The following ZNF385D variants were observed in gnomAD, a reference collection of about 807,000 sequenced individuals.
ZNF385D encodes zinc finger protein 659.
In ZNF385D, 15 loss-of-function variants were observed where a neutral mutation model predicts 35.8. That is an observed-to-expected ratio of 0.42 (90% CI 0.28 to 0.64). ZNF385D has a LOEUF of 0.64. ZNF385D is among the 30% of genes least tolerant of loss of function. The probability of loss-of-function intolerance (pLI) is 0.23; values close to 1 mark genes in which losing one functional copy is unlikely to be tolerated. For missense variants in ZNF385D, 474 were observed against 494.6 expected, an observed-to-expected ratio of 0.96 and a Z score of 0.39; for synonymous variants, 212 against 186.8, an observed-to-expected ratio of 1.13 and a Z score of -1.10.
chr3:22,024,298 T>A (rs1241297769), intron 3 of ZNF385D, among the ~76,000 whole-genome samples: 1 of 152,046 alleles, frequency 6.6e-6, no homozygotes, highest in East Asian at 1.9e-4. Flanking sequence ...TAATACTTAA[T>A]AAACTCCCCT....
chr3:22,169,027 A>G, exon 3 of ZNF385D: 1 of 985,814 alleles, frequency 1.0e-6, no homozygotes, highest in South Asian at 4.7e-5. Context: ...TCGTGTACAC[A>G]GGTGAAATCT....
chr3:22,070,638 C>A (rs898083507), intron 3 of ZNF385D, among the ~76,000 whole-genome samples: 1 of 151,684 alleles, frequency 6.6e-6, no homozygotes, highest in African/African-American at 2.4e-5. Flanking sequence ...TATAGTAAGT[C>A]CAGGGTAGAG....
chr3:21,436,892 T>G, intron 5 of ZNF385D, 78 bp downstream of exon 5: 1 of 1,365,546 alleles, frequency 7.3e-7, no homozygotes, highest in Non-Finnish European at 1.0e-6. Flanking sequence ...CTTTGTCCCC[T>G]GCTGCAAAAG....
At chr3:22,288,915 G>T (rs900592785) in intron 2 of ZNF385D, among the ~76,000 whole-genome samples, 1 of 152,068 alleles carries the variant, frequency 6.6e-6, no homozygotes, top group South Asian at 2.1e-4. Context: ...TCAAATCTCT[G>T]TGTTTGTCCA....
At chr3:21,450,716 A>G (rs1702405813) in intron 4 of ZNF385D, among the ~76,000 whole-genome samples, 1 of 152,222 alleles carries the variant, frequency 6.6e-6, no homozygotes, top group African/African-American at 2.4e-5. Flanking sequence ...GAATTCTTGA[A>G]GAATGCTTAG....
chr3:21,898,281 A>T (rs1456494949), intron 3 of ZNF385D, among the ~76,000 whole-genome samples: 1 of 152,164 alleles, frequency 6.6e-6, no homozygotes, highest in Non-Finnish European at 1.5e-5. Flanking sequence ...TTCGCTAATA[A>T]AACCCCCCTG....
chr3:21,902,782 T>C (rs1408210249), intron 3 of ZNF385D, among the ~76,000 whole-genome samples: 1 of 152,194 alleles, frequency 6.6e-6, no homozygotes, highest in Non-Finnish European at 1.5e-5. Context: ...ATGTCACATG[T>C]ATACATATGC....
At chr3:21,548,854 A>G (rs1313005746) in intron 3 of ZNF385D, among the ~76,000 whole-genome samples, 1 of 152,180 alleles carries the variant, frequency 6.6e-6, no homozygotes, top group African/African-American at 2.4e-5. Flanking sequence ...TTGTCCACCT[A>G]GCTGTTTCAG....
chr3:21,597,323 C>T (rs3849542), intron 2 of ZNF385D, among the ~76,000 whole-genome samples: 72,568 of 151,252 alleles, frequency 0.48, 17,528 homozygotes, highest in African/African-American at 0.54. Context: ...GCAATGTTCC[C>T]GCAACTATTT....
intron 2 of ZNF385D, among the ~76,000 whole-genome samples, chr3:21,569,134 A>C (rs1008045552): frequency 6.6e-6 from 1 of 151,898 alleles, no homozygotes; most frequent in African/African-American, 2.4e-5. Context: ...TTTCTGTCTC[A>C]TTGATCTGTC....
chr3:22,079,694 T>A lies in ZNF385D; in HGVS notation c.325+89123A>T, dbSNP rs1045954022. 5.9e-5 allele frequency among the ~76,000 whole-genome samples: 9 copies of A among 152,146 alleles called. No individual in the cohort carries two copies. In the East Asian group the frequency reaches 1.5e-3, roughly 26 times the overall value. On this transcript the variant is annotated intron_variant, in intron 3 of 5. Coordinates refer to the ZNF385D transcript ENST00000494108. ...TAGCATAAGGTATCCAAAACCAGAT[T>A]AAATATGTCTTTATTTGTATCATTT...
intron 2 of ZNF385D, among the ~76,000 whole-genome samples, chr3:22,316,074 C>T (rs994028440): frequency 3.3e-5 from 5 of 152,194 alleles, no homozygotes; most frequent in Non-Finnish European, 7.3e-5. Flanking sequence ...TGACAACTCA[C>T]TGACCCCACC....
intron 3 of ZNF385D, among the ~76,000 whole-genome samples, chr3:21,786,659 T>C (rs2071701204): frequency 6.6e-6 from 1 of 152,210 alleles, no homozygotes; most frequent in African/African-American, 2.4e-5. Context: ...GCATTAGTGG[T>C]GACAGAATAA....
chr3:21,532,387 G>T (rs2061945444), intron 3 of ZNF385D, among the ~76,000 whole-genome samples: 2 of 152,250 alleles, frequency 1.3e-5, no homozygotes, highest in South Asian at 2.1e-4. Context: ...CTGAAAAGAT[G>T]AATGTGGCCA....
At chr3:22,088,748 G>C (rs1008009431) in intron 3 of ZNF385D, among the ~76,000 whole-genome samples, 1 of 152,038 alleles carries the variant, frequency 6.6e-6, no homozygotes, top group African/African-American at 2.4e-5. Context: ...CCCAAGATAA[G>C]ACCTTAGTAG....
At chr3:22,317,280 C>CAAAAAAAAAAAAAAAAAAAAAAAAAAAAA (rs59675675) in intron 2 of ZNF385D, among the ~76,000 whole-genome samples, 2 of 26,098 alleles carry the variant, frequency 7.7e-5, no homozygotes, top group African/African-American at 1.7e-4. Flanking sequence ...ACTCCATCTC[C>CAAAAAAAAAAAAAAAAAAAAAAAAAAAAA]AAAAAAAAAA....
rs80270134 is a variant in ZNF385D, at chr3:21,428,634, C to A, written c.674-2964G>T. On this transcript the variant is annotated intron_variant, in intron 5 of 7. Transcript: ENST00000281523. ...GAGTGCCACGAATGGTGACACTTTG[C>A]GAAGATATGGCTCTGTGTGGCCGGT... 6.6e-3 allele frequency among the ~76,000 whole-genome samples: 1,010 copies of A among 152,032 alleles called. 22 individuals carry two copies. The highest frequency in any genetic ancestry group is 0.049 in the Admixed American group (746 of 15,252).
intron 2 of ZNF385D, among the ~76,000 whole-genome samples, chr3:22,269,653 A>T (rs1367018101): frequency 1.3e-5 from 2 of 151,930 alleles, no homozygotes; most frequent in African/African-American, 2.4e-5. Context: ...CAAAGTAGGA[A>T]AAAGGACTTT....
intron 3 of ZNF385D, among the ~76,000 whole-genome samples, chr3:21,980,424 G>T (rs191279388): frequency 6.6e-6 from 1 of 152,192 alleles, no homozygotes; most frequent in South Asian, 2.1e-4. Flanking sequence ...ATAATGCAAC[G>T]TAATAATGTA....
Sources: gnomAD v4.1 joint callset for allele counts (sites outside exome capture counted in the v4.1 genomes callset) on GRCh38, gnomAD v4.1.1 for gene constraint, MANE v1.5 for transcripts, NCBI Gene and HGNC (gene_info 2026-07-23, HGNC 2026-07-21) for gene names.